The following PRKCA variants were observed in gnomAD, a reference collection of about 807,000 sequenced individuals.
PRKCA encodes protein kinase C alpha, also known as protein kinase C alpha type.
In PRKCA, 27 loss-of-function variants were observed where a neutral mutation model predicts 87.0. The ratio of observed to expected loss-of-function variants is 0.31; its 90% confidence interval spans 0.23 to 0.43. The LOEUF is 0.43. Among genes scored for constraint, PRKCA ranks in the 20% least tolerant of loss-of-function variants. The probability of loss-of-function intolerance (pLI) is 1.00; values close to 1 mark genes in which losing one functional copy is unlikely to be tolerated. For missense variants in PRKCA, 518 were observed against 852.3 expected (o/e 0.61, Z 4.88); for synonymous variants, 329 against 311.1 (o/e 1.06, Z -0.61).
At chr17:66,632,112 T>C (rs1291053526) in intron 3 of PRKCA, among the ~76,000 whole-genome samples, 1 of 152,188 alleles carries the variant, frequency 6.6e-6, no homozygotes, top group African/African-American at 2.4e-5. Context: ...TCCTCCAGCA[T>C]GCTAGGCTTT....
intron 3 of PRKCA, among the ~76,000 whole-genome samples, chr17:66,615,709 C>T (rs551574959): frequency 2.6e-5 from 4 of 152,116 alleles, no homozygotes; most frequent in Non-Finnish European, 5.9e-5. Context: ...ACTGTTGAAA[C>T]CAGCACATCC....
intron 5 of PRKCA, among the ~76,000 whole-genome samples, chr17:66,664,055 A>G (rs1362415724): frequency 6.6e-6 from 1 of 151,718 alleles, no homozygotes; most frequent in Non-Finnish European, 1.5e-5. Context: ...TTTAGTAGAG[A>G]TAGGGTTTCG....
intron 3 of PRKCA, among the ~76,000 whole-genome samples, chr17:66,527,702 A>C (rs1255172160): frequency 6.6e-6 from 1 of 152,164 alleles, no homozygotes; most frequent in Non-Finnish European, 1.5e-5. Context: ...TCTTCTTTCT[A>C]CTTTTTAAGG....
intron 2 of PRKCA, among the ~76,000 whole-genome samples, chr17:66,389,934 C>A (rs868799758): frequency 3.3e-5 from 5 of 152,312 alleles, no homozygotes; most frequent in Middle Eastern, 3.4e-3. Context: ...AACATAAAAT[C>A]ATGAAGAGGC....
intron 2 of PRKCA, among the ~76,000 whole-genome samples, chr17:66,326,621 G>A (rs1421779273): frequency 2.0e-5 from 3 of 152,300 alleles, no homozygotes; most frequent in South Asian, 2.1e-4. Flanking sequence ...CAGTAATTGT[G>A]TGCCTGCCTC....
intron 13 of PRKCA, among the ~76,000 whole-genome samples, chr17:66,757,261 T>C (rs1598920935): frequency 6.7e-6 from 1 of 148,968 alleles, no homozygotes; most frequent in Admixed American, 6.7e-5. Flanking sequence ...CCAAGAACTG[T>C]GGGACAGCTA....
chr17:66,605,186 A>G (rs1403147604), intron 3 of PRKCA, among the ~76,000 whole-genome samples: 1 of 152,208 alleles, frequency 6.6e-6, no homozygotes, highest in Non-Finnish European at 1.5e-5. Flanking sequence ...AACAAGGACA[A>G]CCTTTTATTA....
intron 5 of PRKCA, among the ~76,000 whole-genome samples, chr17:66,665,338 G>A (rs1406004685): frequency 6.6e-6 from 1 of 152,162 alleles, no homozygotes; most frequent in Admixed American, 6.5e-5. Flanking sequence ...TTTTATCTGT[G>A]TCCTGAGAGT....
intron 3 of PRKCA, among the ~76,000 whole-genome samples, chr17:66,626,197 C>CTTTT (rs1365992383): frequency 6.7e-6 from 1 of 148,740 alleles, no homozygotes; most frequent in African/African-American, 2.5e-5. Context: ...TCCTCTTTTT[C>CTTTT]TTTTCTTTTT....
chr17:66,313,056 T>G (rs1304843736), intron 2 of PRKCA, among the ~76,000 whole-genome samples: 1 of 152,152 alleles, frequency 6.6e-6, no homozygotes, highest in Non-Finnish European at 1.5e-5. Context: ...TCATAGGACC[T>G]TCACACTGTA....
intron 3 of PRKCA, among the ~76,000 whole-genome samples, chr17:66,588,633 TG>T (rs1969691964): frequency 7.3e-6 from 1 of 136,706 alleles, no homozygotes; most frequent in Non-Finnish European, 1.5e-5. Flanking sequence ...TATTTTGCTT[TG>T]CTTTTTTTTT....
chr17:66,799,427 GTGGTGGTGGTGA>G (rs1975815804), intron 16 of PRKCA, among the ~76,000 whole-genome samples: 2 of 10,418 alleles, frequency 1.9e-4, no homozygotes, highest in Non-Finnish European at 4.9e-4. Context: ...GGTGGTGATG[GTGGTGGTGGTGA>G]TGGTGGTGGT....
intron 5 of PRKCA, among the ~76,000 whole-genome samples, chr17:66,681,680 C>A (rs1972498992): frequency 6.6e-6 from 1 of 152,174 alleles, no homozygotes; most frequent in African/African-American, 2.4e-5. Context: ...CAAAGCCATA[C>A]AGCTAATAAG....
intron 3 of PRKCA, chr17:66,638,132 G>A (rs2073302635): frequency 6.9e-6 from 1 of 144,122 alleles, no homozygotes; most frequent in Non-Finnish European, 1.5e-5. Context: ...ATATGTGTGT[G>A]TGTGTGTGTG....
chr17:66,522,147 C>A (rs570319231), intron 3 of PRKCA, among the ~76,000 whole-genome samples: 2 of 152,120 alleles, frequency 1.3e-5, no homozygotes, highest in African/African-American at 4.8e-5. Context: ...AGCTCCTGGG[C>A]GACGGGTCCT....
At chr17:66,493,406 G>T (rs1306278453) in intron 2 of PRKCA, among the ~76,000 whole-genome samples, 1 of 151,682 alleles carries the variant, frequency 6.6e-6, no homozygotes, top group Non-Finnish European at 1.5e-5. Context: ...TTTCTGCTCT[G>T]GAAATCCTGC....
intron 3 of PRKCA, among the ~76,000 whole-genome samples, chr17:66,550,044 A>G (rs180807539): frequency 1.3e-5 from 2 of 152,244 alleles, no homozygotes; most frequent in East Asian, 3.9e-4. Flanking sequence ...CTCCATTTAG[A>G]ACAACTTGAG....
chr17:66,638,627 T>C (rs1008709435), intron 3 of PRKCA, among the ~76,000 whole-genome samples: 2 of 152,128 alleles, frequency 1.3e-5, no homozygotes, highest in African/African-American at 2.4e-5. Context: ...GGCAGGTGGA[T>C]CACGAGGTCA....
At chr17:66,797,417 T>G (rs1001210383) in intron 16 of PRKCA, among the ~76,000 whole-genome samples, 3 of 152,216 alleles carry the variant, frequency 2.0e-5, no homozygotes, top group Admixed American at 6.5e-5. Flanking sequence ...CATTCCTGAA[T>G]CCAGAGATCA....
Sources: gnomAD v4.1 joint callset for allele counts (sites outside exome capture counted in the v4.1 genomes callset) on GRCh38, gnomAD v4.1.1 for gene constraint, MANE v1.5 for transcripts, NCBI Gene and HGNC (gene_info 2026-07-23, HGNC 2026-07-21) for gene names.